Variants in TSPAN7 observed in about 807,000 individuals in gnomAD.
TSPAN7 encodes tetraspanin 7.
Under a neutral mutation model 17.6 loss-of-function variants are expected in TSPAN7, and 1 was observed. The ratio of observed to expected loss-of-function variants is 0.06; its 90% CI spans 0.02 to 0.27. TSPAN7 has a LOEUF of 0.27. TSPAN7 is among the 10% of genes least tolerant of loss of function. The probability of loss-of-function intolerance (pLI) is 1.00; values close to 1 mark genes in which losing one functional copy is unlikely to be tolerated. For missense variants in TSPAN7, 112 were observed against 201.7 expected, an observed-to-expected ratio of 0.56 and a Z score of 2.69; for synonymous variants, 78 against 79.0, an observed-to-expected ratio of 0.99 and a Z score of 0.07.
chrX:38,687,744 C>G (rs904300250), intron 7 of TSPAN7, 70 bp downstream of exon 7: 4 of 897,620 alleles, frequency 4.5e-6, no homozygotes, highest in Non-Finnish European at 4.7e-6. Context: ...TTCAAATGTG[C>G]AGGAGTACTC....
At chrX:38,636,356 A>G (rs1327833022) in intron 1 of TSPAN7, among the ~76,000 whole-genome samples, 6 of 112,428 alleles carry the variant, frequency 5.3e-5, no homozygotes, top group Non-Finnish European at 9.4e-5. Context: ...TCGTAGAGAA[A>G]CATTTAAAAT....
At chrX:38,625,079 A>T (rs1490493021) in intron 1 of TSPAN7, among the ~76,000 whole-genome samples, 6 of 111,809 alleles carry the variant, frequency 5.4e-5, no homozygotes, top group Non-Finnish European at 9.4e-5. Context: ...TGTAAACAGT[A>T]TACTTTTCCA....
chrX:38,642,515 C>A (rs1000681681), intron 1 of TSPAN7, among the ~76,000 whole-genome samples: 7 of 111,915 alleles, frequency 6.3e-5, no homozygotes, highest in African/African-American at 2.3e-4. Context: ...TAAACAGTGG[C>A]CTTTGTAATC....
rs978531974 is a variant in TSPAN7 at position 38,612,548 on chromosome X, C to T, written c.81+50921C>T. ...CTTCTTTTAGTACACAGCTGTCATC[C>T]GGAGCTTCCCTTGGCCTCTCTCCTG... On this transcript the variant is annotated intron_variant, in intron 1 of 7. Transcript: ENST00000378482. 8 of 111,755 alleles carry T rather than the reference C, an allele frequency of 7.2e-5. No individual in the cohort carries two copies. The East Asian group carries it at 2.0e-3, about 28-fold the overall frequency. 9.2% of individuals were successfully genotyped at this position (111,755 alleles called of 1,213,427 possible).
At chrX:38,569,136 T>C (rs1240187658) in intron 1 of TSPAN7, among the ~76,000 whole-genome samples, 1 of 111,222 alleles carries the variant, frequency 9.0e-6, no homozygotes, top group Non-Finnish European at 1.9e-5. Flanking sequence ...GAGGGGGCAC[T>C]ACGAAGCTGA....
At chrX:38,569,750 G>C (rs1396977354) in intron 1 of TSPAN7, among the ~76,000 whole-genome samples, 1 of 111,284 alleles carries the variant, frequency 9.0e-6, no homozygotes, top group African/African-American at 3.3e-5. Flanking sequence ...CATTCTTTTA[G>C]TGTCATTTCA....
chrX:38,682,363 A>G (rs1441332247), intron 6 of TSPAN7, among the ~76,000 whole-genome samples: 1 of 111,993 alleles, frequency 8.9e-6, no homozygotes, highest in Non-Finnish European at 1.9e-5. Context: ...AAAACTTTCT[A>G]ATTGAAATGT....
chrX:38,577,377 G>A (rs758850017), intron 1 of TSPAN7, among the ~76,000 whole-genome samples: 4 of 110,757 alleles, frequency 3.6e-5, no homozygotes, highest in African/African-American at 9.9e-5. Flanking sequence ...ACAGTTGATT[G>A]ACCTGGAGAG....
chrX:38,670,314 T>C (rs1347644227), intron 2 of TSPAN7, among the ~76,000 whole-genome samples: 1 of 111,920 alleles, frequency 8.9e-6, no homozygotes, highest in Non-Finnish European at 1.9e-5. Flanking sequence ...AGGTAAGGAA[T>C]CAATTCTTGT....
chrX:38,655,838 G>A (rs1279653390), intron 1 of TSPAN7, among the ~76,000 whole-genome samples: 1 of 112,030 alleles, frequency 8.9e-6, no homozygotes, highest in Admixed American at 9.5e-5. Flanking sequence ...GTATTTTGAA[G>A]ATGATAATCC....
chrX:38,574,297 A>G (rs1370215863), intron 1 of TSPAN7, among the ~76,000 whole-genome samples: 2 of 112,297 alleles, frequency 1.8e-5, no homozygotes, highest in Admixed American at 9.4e-5. Flanking sequence ...AGATAAAATT[A>G]TCTTTTTACA....
chrX:38,562,720 T>C (rs1159070831), intron 1 of TSPAN7, among the ~76,000 whole-genome samples: 1 of 111,531 alleles, frequency 9.0e-6, no homozygotes, highest in Non-Finnish European at 1.9e-5. Context: ...TTATTTCTCT[T>C]TTCATGTCGG....
rs753269040 is a variant in TSPAN7 at position 38,593,676 on chromosome X, C to T, written c.81+32049C>T. ...TGTTATTTCAAAAGTGGGTTTCTTA[C>T]AAGAGGATGGGTGTTGCTTCCTTTT... On this transcript the variant is annotated intron_variant, in intron 1 of 7. Coordinates refer to ENST00000378482, the MANE Select transcript of TSPAN7 (RefSeq NM_004615.4). Among the ~76,000 whole-genome samples the T allele has an allele frequency of 9.8e-5, 11 of 112,023 alleles. No homozygotes were observed. In the East Asian group the frequency reaches 3.1e-3, roughly 32 times the overall value.
intron 1 of TSPAN7, among the ~76,000 whole-genome samples, chrX:38,613,863 G>C (rs1276017377): frequency 2.7e-5 from 3 of 111,145 alleles, no homozygotes; most frequent in African/African-American, 6.5e-5. Flanking sequence ...AGACATAACA[G>C]CTTCTCAGAT....
intron 2 of TSPAN7, among the ~76,000 whole-genome samples, chrX:38,666,902 G>A (rs1352486511): frequency 1.8e-5 from 2 of 111,792 alleles, no homozygotes; most frequent in Non-Finnish European, 1.9e-5. Context: ...GCCCGGCCTC[G>A]CCCTGTTTCA....
intron 5 of TSPAN7, among the ~76,000 whole-genome samples, chrX:38,680,679 A>T (rs916810571): frequency 1.0e-4 from 11 of 110,384 alleles, no homozygotes; most frequent in South Asian, 3.9e-4. Flanking sequence ...GTTGGCAGAT[A>T]TTCAAACACT....
intron 1 of TSPAN7, among the ~76,000 whole-genome samples, chrX:38,631,501 C>T (rs894765838): frequency 9.0e-6 from 1 of 111,560 alleles, no homozygotes; most frequent in Non-Finnish European, 1.9e-5. Context: ...CTCTGATCCT[C>T]TTATGCAAAT....
chrX:38,603,172 G>A (rs769461741), intron 1 of TSPAN7, among the ~76,000 whole-genome samples: 5 of 111,776 alleles, frequency 4.5e-5, no homozygotes, highest in African/African-American at 6.5e-5. Flanking sequence ...CATGAAAAAC[G>A]CATGATATTA....
chrX:38,632,493 G>A (rs1301489379), intron 1 of TSPAN7, among the ~76,000 whole-genome samples: 2 of 112,591 alleles, frequency 1.8e-5, no homozygotes, highest in Non-Finnish European at 3.8e-5. Context: ...TACTAATTCT[G>A]TTGAGCTACT....
Sources: gnomAD v4.1 joint callset for allele counts (sites outside exome capture counted in the v4.1 genomes callset) on GRCh38, gnomAD v4.1.1 for gene constraint, MANE v1.5 for transcripts, NCBI Gene and HGNC (gene_info 2026-07-23, HGNC 2026-07-21) for gene names.